SLC4A5: variants seen among roughly 807,000 people sequenced by gnomAD.
SLC4A5 encodes the protein solute carrier family 4 member 5, also known as electrogenic sodium bicarbonate cotransporter 4.
SLC4A5 carries 96 observed loss-of-function variants against 120.4 expected under a neutral mutation model. The observed-to-expected ratio is 0.80, with a 90% CI of 0.68 to 0.94. The LOEUF (loss-of-function observed/expected upper bound fraction) is 0.94. Among genes scored for constraint, SLC4A5 ranks in the 40% least tolerant of loss-of-function variants. The probability of loss-of-function intolerance (pLI) is 0.00; values close to 1 mark genes in which losing one functional copy is unlikely to be tolerated. For synonymous variants in SLC4A5, 550 were observed against 571.1 expected, an observed-to-expected ratio of 0.96 and a Z score of 0.53; for missense variants, 1,259 against 1,459.5, an observed-to-expected ratio of 0.86 and a Z score of 2.24.
chr2:74,332,703 T>TTGTG (rs3834171), intron 4 of SLC4A5, among the ~76,000 whole-genome samples: 11 of 148,200 alleles, frequency 7.4e-5, no homozygotes, highest in African/African-American at 9.9e-5. Flanking sequence ...GGGTGTCCAT[T>TTGTG]TGTGTGTGTG....
intron 7 of SLC4A5, among the ~76,000 whole-genome samples, chr2:74,302,572 G>A (rs1489121621): frequency 1.3e-5 from 2 of 152,180 alleles, no homozygotes; most frequent in Non-Finnish European, 2.9e-5. Context: ...AGCCGAGATC[G>A]CGCCACTTAA....
intron 5 of SLC4A5, among the ~76,000 whole-genome samples, chr2:74,316,321 T>TAA (rs60481743): frequency 9.0e-4 from 46 of 51,186 alleles, no homozygotes; most frequent in Admixed American, 3.4e-3. Context: ...AAAAGAGTTG[T>TAA]AAAAAAAAAA....
chr2:74,290,518 G>A (rs1672125506), intron 7 of SLC4A5: 2 of 985,120 alleles, frequency 2.0e-6, no homozygotes, highest in Non-Finnish European at 2.4e-6. Context: ...GGTGTGGTAA[G>A]TGTAAGTGTG....
intron 17 of SLC4A5, among the ~76,000 whole-genome samples, chr2:74,249,452 A>AG (rs1670722772): frequency 6.6e-6 from 1 of 152,218 alleles, no homozygotes; most frequent in South Asian, 2.1e-4. Context: ...AAAGATGATC[A>AG]GGATTGATGG....
chr2:74,300,769 T>C (rs1011745529), intron 7 of SLC4A5, among the ~76,000 whole-genome samples: 5 of 152,212 alleles, frequency 3.3e-5, no homozygotes, highest in African/African-American at 1.2e-4. Context: ...AGCTCTGACA[T>C]GATCCAGAGA....
At chr2:74,342,650 G>C (rs1012733849) in intron 1 of SLC4A5, 116 bp from the exon 2 acceptor site, 5 of 152,154 alleles carry the variant, frequency 3.3e-5, no homozygotes. Context: ...TTTAAGGAAA[G>C]CCAGCTGATC....
At position 74,282,985 on chromosome 2, in the gene SLC4A5, G is replaced by C. The variant is rs150226910; in HGVS notation, c.401+2788C>G. Among the ~76,000 whole-genome samples the C allele has an allele frequency of 1.6e-4, 24 of 152,268 alleles. No individual in the cohort carries two copies. In the East Asian group the frequency reaches 4.4e-3, roughly 28 times the overall value. ...GACATAATAACCCAGGGTGGGTCCT[G>C]GTCATTTGAAATGTCCCCCTTCCCT... On this transcript the variant is annotated intron_variant, in intron 8 of 30. Coordinates refer to ENST00000394019, the Ensembl canonical transcript of SLC4A5.
rs1186048524 is a variant in SLC4A5 at position 74,284,470 on chromosome 2, G to A, written c.401+1303C>T. On this transcript the variant is annotated intron_variant, in intron 8 of 30. Coordinates refer to ENST00000394019, the Ensembl canonical transcript of SLC4A5. Reference sequence around the variant, plus strand: ...GCTGGGATTACAGGCGTGAGCCACCGCGCCCGGCCTATTCCTTATTTCTAA... The same window carrying A: ...GCTGGGATTACAGGCGTGAGCCACCACGCCCGGCCTATTCCTTATTTCTAA... Among the ~76,000 whole-genome samples, 11 of 151,262 alleles carry A rather than the reference G, an allele frequency of 7.3e-5. 5 individuals are homozygous for A. The East Asian group carries it at 1.2e-3, about 16-fold the overall frequency.
At chr2:74,335,589 C>T (rs1673460878) in intron 3 of SLC4A5, among the ~76,000 whole-genome samples, 1 of 152,196 alleles carries the variant, frequency 6.6e-6, no homozygotes, top group South Asian at 2.1e-4. Flanking sequence ...GCCAAATGAT[C>T]TTCATGTCAA....
At chr2:74,228,352 G>A (rs1305537240) in intron 25 of SLC4A5, among the ~76,000 whole-genome samples, 2 of 152,214 alleles carry the variant, frequency 1.3e-5, no homozygotes, top group Non-Finnish European at 2.9e-5. Flanking sequence ...ATCCGGCCGG[G>A]TGTGGTGGCT....
intron 8 of SLC4A5, among the ~76,000 whole-genome samples, chr2:74,284,630 G>A (rs1055611577): frequency 7.9e-5 from 12 of 152,028 alleles, no homozygotes; most frequent in Non-Finnish European, 1.5e-4. Context: ...GGTCCCTCCC[G>A]CTGCCTCTTA....
chr2:74,320,202 A>G (rs1045454855), intron 5 of SLC4A5, among the ~76,000 whole-genome samples: 3 of 152,162 alleles, frequency 2.0e-5, no homozygotes, highest in Non-Finnish European at 2.9e-5. Context: ...TTCCCAAAAG[A>G]GAGATAAAAA....
At chr2:74,319,953 C>T (rs773014401) in intron 5 of SLC4A5, among the ~76,000 whole-genome samples, 6 of 151,918 alleles carry the variant, frequency 3.9e-5, no homozygotes, top group Non-Finnish European at 8.8e-5. Context: ...GTATTCATGA[C>T]GACAAGAAAA....
At chr2:74,244,717 G>T (rs928859801) in intron 19 of SLC4A5, among the ~76,000 whole-genome samples, 6 of 152,170 alleles carry the variant, frequency 3.9e-5, no homozygotes, top group Non-Finnish European at 8.8e-5. Context: ...GACTAGCTGG[G>T]ACTACAGGTG....
chr2:74,227,534 G>T, intron 26 of SLC4A5: 1 of 1,612,510 alleles, frequency 6.2e-7, no homozygotes, highest in South Asian at 1.1e-5. Context: ...AGCTTCTTCT[G>T]GATTTTGAAT....
intron 4 of SLC4A5, among the ~76,000 whole-genome samples, chr2:74,330,290 G>A (rs939176188): frequency 2.0e-5 from 3 of 151,438 alleles, no homozygotes; most frequent in African/African-American, 4.9e-5. Flanking sequence ...GAGGAGTGTG[G>A]TGTAGGTGTA....
chr2:74,270,003 G>T (rs549728503), intron 8 of SLC4A5, among the ~76,000 whole-genome samples: 11 of 152,242 alleles, frequency 7.2e-5, no homozygotes, highest in Admixed American at 6.5e-5. Flanking sequence ...TAACCCCATA[G>T]ACACACAGAC....
At chr2:74,262,210 A>G (rs767343471) in exon 11 of SLC4A5, 6 of 1,544,406 alleles carry the variant, frequency 3.9e-6, no homozygotes, top group Non-Finnish European at 5.2e-6. Flanking sequence ...GGCCAGCACC[A>G]GGGCTCCGGG....
At chr2:74,289,001 C>A (rs1225271074) in intron 7 of SLC4A5, among the ~76,000 whole-genome samples, 1 of 152,218 alleles carries the variant, frequency 6.6e-6, no homozygotes, top group East Asian at 1.9e-4. Flanking sequence ...TTGGCTCTCT[C>A]CTTTTTTCCC....
Sources: allele counts gnomAD v4.1 joint callset (sites outside exome capture counted in the v4.1 genomes callset), GRCh38; gene constraint gnomAD v4.1.1; transcripts MANE v1.5; gene names NCBI Gene and HGNC (gene_info 2026-07-23, HGNC 2026-07-21).